ARID5B: variants seen among roughly 807,000 people sequenced by gnomAD.
The protein encoded by ARID5B is AT-rich interaction domain 5B, also known as AT-rich interactive domain-containing protein 5B.
Under a neutral mutation model 97.2 loss-of-function variants are expected in ARID5B, and 13 were observed. That is an observed-to-expected ratio of 0.13 (90% CI 0.09 to 0.21). The LOEUF is 0.21. Ranked by LOEUF, ARID5B falls within the 10% of genes least tolerant of loss-of-function variation. ARID5B has a pLI of 1.00. For synonymous variants in ARID5B, 556 were observed against 570.3 expected (o/e 0.97, Z 0.36); for missense variants, 1,210 against 1,465.3 (o/e 0.83, Z 2.84).
intron 4 of ARID5B, among the ~76,000 whole-genome samples, chr10:62,014,693 G>A (rs1839260767): frequency 6.6e-6 from 1 of 152,138 alleles, no homozygotes; most frequent in Non-Finnish European, 1.5e-5. Context: ...TATATGAAAT[G>A]GAATGTCGGA....
At chr10:62,030,428 G>A (rs1839482164) in intron 4 of ARID5B, among the ~76,000 whole-genome samples, 1 of 152,188 alleles carries the variant, frequency 6.6e-6, no homozygotes, top group Non-Finnish European at 1.5e-5. Context: ...ACCACGCCCG[G>A]CCAATGCAGG....
rs1447021330 is a variant in ARID5B, at chr10:62,091,059, G to A, written c.1596G>A (p.Glu532=). 6.2e-7 allele frequency: 1 copy of A among 1,614,044 alleles called. No individual in the cohort carries two copies. The change falls in exon 10 of 10, where the codon GAG becomes GAA. Residue 532 remains glutamate, a synonymous_variant. Coordinates refer to ENST00000279873, the MANE Select transcript of ARID5B (RefSeq NM_032199.3). ...QGSNSEKVAE[E]AGEKGPTPPL... Reference sequence around the variant, plus strand: ...CCAACAGTGAGAAGGTGGCAGAGGAGGCGGGAGAGAAGGGGCCCACACCTC... The same window carrying A: ...CCAACAGTGAGAAGGTGGCAGAGGAAGCGGGAGAGAAGGGGCCCACACCTC...
At chr10:61,939,829 C>T (rs990928148) in intron 2 of ARID5B, among the ~76,000 whole-genome samples, 2 of 152,200 alleles carry the variant, frequency 1.3e-5, no homozygotes, top group South Asian at 4.1e-4. Context: ...TCACTTTTTA[C>T]ATTTGCAATT....
intron 4 of ARID5B, among the ~76,000 whole-genome samples, chr10:62,034,846 G>A (rs1378548571): frequency 3.3e-5 from 5 of 152,090 alleles, no homozygotes; most frequent in African/African-American, 1.2e-4. Context: ...ATTTTTTTAG[G>A]CAGCTCTGCA....
At chr10:62,057,376 GA>G (rs1839870727) in intron 6 of ARID5B, 58 bp downstream of exon 6, 2 of 1,516,034 alleles carry the variant, frequency 1.3e-6, no homozygotes, top group Admixed American at 3.8e-5. Flanking sequence ...CTTTGAATTG[GA>G]AAAAATAATT....
At position 62,093,651 on chromosome 10, in the gene ARID5B, CTTTTTT is replaced by C. The variant is rs57902062; in HGVS notation, c.*643_*648del. 176 of 86,926 alleles carry C rather than the reference CTTTTTT, an allele frequency of 2.0e-3. 1 individual carries two copies. Among genetic ancestry groups the C allele is most frequent in the African/African-American group, 8.4e-3 (106 of 12,594 alleles). 5.4% of individuals were successfully genotyped at this position (86,926 alleles called of 1,614,324 possible). A position where few individuals can be genotyped will look rare whatever the true frequency, so the allele number is the denominator to read the frequency against. On this transcript the variant is annotated 3_prime_UTR_variant, in exon 10 of 10. Transcript: ENST00000279873. ...CCATTTTCTCCCAGTTCCTTCTCGT[CTTTTTT>C]TTTTTTTTTTTTTTTTTTTTTATTA...
At chr10:61,987,288 AG>A (rs543221967) in intron 3 of ARID5B, among the ~76,000 whole-genome samples, 133 of 152,304 alleles carry the variant, frequency 8.7e-4, no homozygotes, top group African/African-American at 3.1e-3. Flanking sequence ...ATGAGAACAG[AG>A]GGACAGTGAA....
intron 3 of ARID5B, among the ~76,000 whole-genome samples, chr10:61,982,029 T>C (rs760964438): frequency 6.6e-6 from 1 of 152,208 alleles, no homozygotes; most frequent in Non-Finnish European, 1.5e-5. Flanking sequence ...GGAAATCTTA[T>C]TTAAATCAAT....
In ARID5B at chr10:62,093,185, C is replaced by T. The variant is rs947972215; in HGVS notation, c.*155C>T. 5.0e-6 allele frequency: 6 copies of T among 1,189,102 alleles called. No homozygotes were observed. The highest frequency in any genetic ancestry group is 6.8e-6 in the Non-Finnish European group (6 of 876,426). The allele number at this position is 1,189,102 out of a possible 1,614,324, so 73.7% of individuals were successfully genotyped here. On this transcript the variant is annotated 3_prime_UTR_variant, in exon 10 of 10. Coordinates refer to ENST00000279873, the MANE Select transcript of ARID5B (RefSeq NM_032199.3). ...GGGGCCCAGAGGGGAGGTGAACATG[C>T]CTGATTTTTGTGGGACAACTCTAGC...
intron 4 of ARID5B, among the ~76,000 whole-genome samples, chr10:62,014,363 G>C (rs183967099): frequency 3.0e-4 from 45 of 152,304 alleles, no homozygotes; most frequent in Admixed American, 1.2e-3. Flanking sequence ...TCCCATAATT[G>C]CTTCTGTTCG....
At chr10:62,045,442 AG>A (rs2132923593) in intron 4 of ARID5B, among the ~76,000 whole-genome samples, 1 of 106,776 alleles carries the variant, frequency 9.4e-6, no homozygotes, top group South Asian at 3.5e-4. Flanking sequence ...GAAACTTGCC[AG>A]GGTATTTTTT....
chr10:61,966,061 G>T (rs1404234042), intron 3 of ARID5B, among the ~76,000 whole-genome samples: 3 of 152,056 alleles, frequency 2.0e-5, no homozygotes, highest in African/African-American at 7.2e-5. Flanking sequence ...GTAAAGATAT[G>T]CAAAAAGAAG....
In ARID5B at chr10:62,092,742, C is replaced by T. The variant is rs757997409; in HGVS notation, c.3279C>T (p.Ser1093=). Residue 1093 remains serine, a synonymous_variant, in exon 10 of 10, where the codon TCC becomes TCT. Transcript: ENST00000279873. ...GCCTGTGTAACTCGGGCCTCAACTC[C>T]AGGCTCCCGGCTGGGTATTCTCATT... ...SGSLCNSGLN[S]RLPAGYSHSL... 1.2e-6 allele frequency: 2 copies of T among 1,614,162 alleles called. No individual in the cohort carries two copies. The highest frequency in any genetic ancestry group is 2.2e-5 in the South Asian group (2 of 91,076).
chr10:62,040,249 T>G (rs1488142915), intron 4 of ARID5B, among the ~76,000 whole-genome samples: 1 of 152,172 alleles, frequency 6.6e-6, no homozygotes, highest in Non-Finnish European at 1.5e-5. Flanking sequence ...ATCAGGGCCA[T>G]TTAGTAGCCT....
intron 4 of ARID5B, among the ~76,000 whole-genome samples, chr10:62,032,471 A>G (rs1483442350): frequency 9.9e-5 from 15 of 152,148 alleles, no homozygotes; most frequent in Admixed American, 9.8e-4. Context: ...GTAATCCAGC[A>G]TTTTGGGAGG....
chr10:62,030,164 T>G (rs1839477612), intron 4 of ARID5B, among the ~76,000 whole-genome samples: 1 of 152,002 alleles, frequency 6.6e-6, no homozygotes, highest in African/African-American at 2.4e-5. Flanking sequence ...ATTTCACTCT[T>G]TGTTGCCCAG....
chr10:61,988,376 CAGA>C (rs1359580658), intron 3 of ARID5B, among the ~76,000 whole-genome samples: 1 of 152,206 alleles, frequency 6.6e-6, no homozygotes, highest in Non-Finnish European at 1.5e-5. Flanking sequence ...CTGGTTACAG[CAGA>C]AGGATATGTT....
At chr10:61,931,012 C>T (rs922189571) in intron 2 of ARID5B, among the ~76,000 whole-genome samples, 2 of 152,112 alleles carry the variant, frequency 1.3e-5, no homozygotes, top group Non-Finnish European at 2.9e-5. Context: ...AAATCTCAGA[C>T]CCTTCACAGT....
intron 4 of ARID5B, among the ~76,000 whole-genome samples, chr10:62,049,801 C>A (rs187690128): frequency 1.0e-3 from 156 of 152,204 alleles, no homozygotes; most frequent in Non-Finnish European, 2.0e-3. Context: ...TGGTTAACTG[C>A]CTAAGTAAGA....
Sources: allele counts gnomAD v4.1 joint callset (sites outside exome capture counted in the v4.1 genomes callset), GRCh38; gene constraint gnomAD v4.1.1; transcripts MANE v1.5; gene names NCBI Gene and HGNC (gene_info 2026-07-23, HGNC 2026-07-21).